Variants in FNBP1 observed in about 807,000 individuals in gnomAD.
The protein encoded by FNBP1 is formin-binding protein 1.
In FNBP1, 26 loss-of-function variants were observed where a neutral mutation model predicts 90.6. The ratio of observed to expected loss-of-function variants is 0.29; its 90% CI spans 0.21 to 0.40. The LOEUF (loss-of-function observed/expected upper bound fraction) is 0.40, where lower values mean the gene tolerates loss of function less well. FNBP1 is among the 10% of genes least tolerant of loss of function. The pLI is 1.00. For missense variants in FNBP1, 635 were observed against 768.0 expected (o/e 0.83, Z 2.05); for synonymous variants, 260 against 265.2 (o/e 0.98, Z 0.19).
At chr9:130,047,662 T>C (rs77232042), upstream of FNBP1, among the ~76,000 whole-genome samples, 36 of 142,616 alleles carry the variant, frequency 2.5e-4, 1 homozygote, top group East Asian at 7.0e-3. Flanking sequence ...TTTTTTTTTT[T>C]CCTACTCTCA....
chr9:129,913,728 G>A (rs1187463094), intron 11 of FNBP1, among the ~76,000 whole-genome samples: 2 of 151,964 alleles, frequency 1.3e-5, no homozygotes, highest in Non-Finnish European at 2.9e-5. Context: ...CCGAGATCGC[G>A]CCACTGCACT....
At chr9:130,051,997 TG>T in the FNBP1 span, among the ~76,000 whole-genome samples, 8 of 152,250 alleles carry the variant, frequency 5.3e-5, no homozygotes, top group Non-Finnish European at 1.0e-4. Context: ...TCAGCCTGTT[TG>T]TTTCCAGTTA....
chr9:130,024,246 C>G (rs898568367), intron 1 of FNBP1, among the ~76,000 whole-genome samples: 1 of 128,460 alleles, frequency 7.8e-6, no homozygotes, highest in Non-Finnish European at 1.8e-5. Flanking sequence ...CCTATCTCTA[C>G]CCCCCCCAAA....
At chr9:129,895,187 G>C (rs937556177) in intron 16 of FNBP1, 2 of 862,426 alleles carry the variant, frequency 2.3e-6, no homozygotes, top group Non-Finnish European at 2.9e-6. Flanking sequence ...GGTTGTCTGG[G>C]ATCATGTAGA....
In FNBP1 at chr9:129,910,199, C is replaced by T. The variant is rs999131212; in HGVS notation, c.1186-1200G>A. On this transcript the variant is annotated intron_variant, in intron 11 of 16. Transcript: ENST00000446176. ...TATGTTCATAAAGAGAGAGAAATTT[C>T]GTGCTGGGCACGGTGGCTCATGCCT... is the stretch of plus-strand genomic sequence containing the variant. The T allele has an allele frequency of 7.5e-5, 34 of 455,994 alleles. 1 individual carries two copies. The highest frequency in any genetic ancestry group is 3.5e-4 in the Admixed American group (15 of 42,544). The allele number at this position is 455,994 out of a possible 1,614,324, so 28.2% of individuals were successfully genotyped here. A position where few individuals can be genotyped will look rare whatever the true frequency, so the allele number is the denominator to read the frequency against.
Position 129,900,542 on chromosome 9 carries a change from C to A in FNBP1, c.1434G>T (p.Trp478Cys), listed in dbSNP as rs1405693568. 2.6e-6 allele frequency: 4 copies of A among 1,565,614 alleles called. No homozygotes were observed. The highest frequency in any genetic ancestry group is 2.7e-5 in the African/African-American group (2 of 72,828). The change falls in exon 14 of 17, where the codon TGG (tryptophan) becomes TGT (cysteine). Residue 478 changes from tryptophan to cysteine, a missense_variant. Transcript: ENST00000446176. The surrounding 1 kb of genome is among the most constrained non-coding windows in gnomAD (Gnocchi z 4.1). ...LRVETQKFEAWLAEVEGRLPA... is the reference protein window; with the variant it reads ...LRVETQKFEACLAEVEGRLPA... ...GGAGCCGGCCTTCAACCTCAGCCAGCCAGGCCTGGAGACAAAAGCAATGAG... is the reference window on the plus strand; with the variant it reads ...GGAGCCGGCCTTCAACCTCAGCCAGACAGGCCTGGAGACAAAAGCAATGAG...
intron 1 of FNBP1, among the ~76,000 whole-genome samples, chr9:130,006,798 C>A (rs1195541915): frequency 2.0e-5 from 3 of 152,074 alleles, no homozygotes; most frequent in Admixed American, 2.0e-4. Context: ...GAAAACACTA[C>A]GTTCATGGCT....
In FNBP1 at chr9:129,902,892, G is replaced by A. The variant is rs1242601997; in HGVS notation, c.1405C>T (p.Arg469Ter). Residue 469 changes from arginine (R) to a stop codon, truncating the protein, a stop_gained, in exon 13 of 17, where the codon CGA (arginine) becomes TGA (stop). Transcript: ENST00000446176. LOFTEE classifies it high-confidence loss of function. ...AEVSQNIEKL[R>*]VETQKFEAWL... ...ACCTCAAATTTCTGGGTCTCTACTCGCAGTTTCTCTATATTTTGGCTGACT... is the reference window on the plus strand; with the variant it reads ...ACCTCAAATTTCTGGGTCTCTACTCACAGTTTCTCTATATTTTGGCTGACT... 1.2e-6 allele frequency: 2 copies of A among 1,613,298 alleles called. No individual in the cohort carries two copies. Among genetic ancestry groups the A allele is most frequent in the South Asian group, 1.1e-5 (1 of 91,030 alleles).
At chr9:129,943,996 A>AAAAAAAC (rs2044769821) in intron 6 of FNBP1, among the ~76,000 whole-genome samples, 1 of 149,934 alleles carries the variant, frequency 6.7e-6, no homozygotes, top group East Asian at 2.0e-4. Context: ...CCATCTCAAA[A>AAAAAAAC]AAAAAAAAAA....
At position 129,927,366 on chromosome 9, in the gene FNBP1, G is replaced by T. The variant is rs936940976; in HGVS notation, c.643-25C>A. The T allele has an allele frequency of 2.1e-5, 34 of 1,602,520 alleles. No homozygotes were observed. The Admixed American group carries it at 5.7e-4, about 27-fold the overall frequency. Reference sequence around the variant, plus strand: ...TCTGCAACATTAGATTTTGTATAAAGTAAGTTTGGTCCATTATTATTAAAC... The same window carrying T: ...TCTGCAACATTAGATTTTGTATAAATTAAGTTTGGTCCATTATTATTAAAC... On this transcript the variant is annotated intron_variant, in intron 7 of 16. Transcript: ENST00000446176.
At chr9:129,970,456 T>C (rs372538114) in intron 4 of FNBP1, among the ~76,000 whole-genome samples, 316 of 152,308 alleles carry the variant, frequency 2.1e-3, no homozygotes, top group African/African-American at 7.3e-3. Context: ...TCCACCCGCC[T>C]TGGCCTCCCA....
intron 1 of FNBP1, chr9:130,014,038 G>A: frequency 2.2e-6 from 1 of 456,612 alleles, no homozygotes; most frequent in African/African-American, 2.0e-5. Flanking sequence ...CTGTCCATCT[G>A]ATTCTACTTG....
At chr9:129,964,822 A>G (rs1466526938) in intron 4 of FNBP1, among the ~76,000 whole-genome samples, 3 of 151,392 alleles carry the variant, frequency 2.0e-5, no homozygotes, top group East Asian at 3.9e-4. Flanking sequence ...TTAACAGTTA[A>G]AAGAGCAAAA....
chr9:130,036,646 C>G (rs2059338414), intron 1 of FNBP1, among the ~76,000 whole-genome samples: 1 of 152,170 alleles, frequency 6.6e-6, no homozygotes, highest in Non-Finnish European at 1.5e-5. Flanking sequence ...GATTTTGTTT[C>G]TCTTCTGAAG....
chr9:130,003,793 G>A (rs1371425559), intron 1 of FNBP1, among the ~76,000 whole-genome samples: 2 of 146,498 alleles, frequency 1.4e-5, no homozygotes, highest in African/African-American at 2.5e-5. Context: ...CATGGAGGCA[G>A]GTGCCTGTAG....
At chr9:129,894,163 T>A (rs894631886) in intron 16 of FNBP1, among the ~76,000 whole-genome samples, 1 of 151,826 alleles carries the variant, frequency 6.6e-6, no homozygotes, top group Non-Finnish European at 1.5e-5. Flanking sequence ...AGGAAATAAT[T>A]TTCAAAATCA....
At chr9:129,938,040 T>C (rs1323931433) in intron 6 of FNBP1, among the ~76,000 whole-genome samples, 5 of 151,964 alleles carry the variant, frequency 3.3e-5, no homozygotes, top group Non-Finnish European at 7.4e-5. Flanking sequence ...GGTGCGTGCC[T>C]GTAGTCCCTG....
At chr9:129,975,989 A>AG (rs986996920) in intron 4 of FNBP1, among the ~76,000 whole-genome samples, 2 of 152,036 alleles carry the variant, frequency 1.3e-5, no homozygotes, top group African/African-American at 2.4e-5. Flanking sequence ...TGCAAGGTCA[A>AG]GGGAAGTTCA....
intron 12 of FNBP1, among the ~76,000 whole-genome samples, chr9:129,905,624 G>C (rs1170636348): frequency 1.3e-5 from 2 of 151,750 alleles, no homozygotes; most frequent in African/African-American, 4.8e-5. Context: ...TATTTCCTTT[G>C]GGCTTAATTT....
Sources: allele counts gnomAD v4.1 joint callset (sites outside exome capture counted in the v4.1 genomes callset), GRCh38; gene constraint gnomAD v4.1.1; non-coding constraint Gnocchi (gnomAD v3.1); transcripts MANE v1.5; gene names NCBI Gene and HGNC (gene_info 2026-07-23, HGNC 2026-07-21).